PTPRD: variants seen among roughly 807,000 people sequenced by gnomAD.
PTPRD encodes protein tyrosine phosphatase receptor type D, also known as receptor-type tyrosine-protein phosphatase delta.
Under a neutral mutation model 214.5 loss-of-function variants are expected in PTPRD, and 34 were observed. The ratio of observed to expected loss-of-function variants is 0.16; its 90% confidence interval spans 0.12 to 0.21. The LOEUF (loss-of-function observed/expected upper bound fraction) is 0.21, where lower values mean the gene tolerates loss of function less well. Ranked by LOEUF, PTPRD falls within the 10% of genes least tolerant of loss-of-function variation. The pLI is 1.00. For missense variants in PTPRD, 2,545 were observed against 2,398.7 expected (o/e 1.06, Z -1.27); for synonymous variants, 1,128 against 845.7 (o/e 1.33, Z -5.79).
intron 12 of PTPRD, among the ~76,000 whole-genome samples, chr9:8,638,121 T>A (rs1006493880): frequency 1.4e-5 from 2 of 147,740 alleles, no homozygotes; most frequent in Non-Finnish European, 3.0e-5. Context: ...TTTTTTTTTT[T>A]AATTTCTAAT....
At chr9:10,325,692 A>G (rs1260664118) in intron 3 of PTPRD, among the ~76,000 whole-genome samples, 1 of 152,020 alleles carries the variant, frequency 6.6e-6, no homozygotes, top group African/African-American at 2.4e-5. Context: ...TTTCAAAACA[A>G]CCAAACTGCA....
Position 8,317,813 on chromosome 9 carries a change from A to C in PTPRD, c.*61T>G. ...ACTTCTCAAGTGCCCTGTATGGCTC[A>C]GAAGAGACTCCATGGATATTGAAGG... On this transcript the variant is annotated 3_prime_UTR_variant, in exon 46 of 46. Coordinates refer to ENST00000381196, the MANE Select transcript of PTPRD (RefSeq NM_002839.4). The C allele has an allele frequency of 2.0e-6, 3 of 1,506,238 alleles. No homozygotes were observed. The highest frequency in any genetic ancestry group is 2.8e-6 in the Non-Finnish European group (3 of 1,083,158). 93.3% of individuals were successfully genotyped at this position (1,506,238 alleles called of 1,614,324 possible).
intron 8 of PTPRD, among the ~76,000 whole-genome samples, chr9:9,472,217 G>C (rs2094648784): frequency 9.4e-6 from 1 of 106,424 alleles, no homozygotes; most frequent in African/African-American, 3.8e-5. Context: ...CTTTTTTTGA[G>C]ACGGAGTCTT....
intron 27 of PTPRD, among the ~76,000 whole-genome samples, chr9:8,492,566 T>C (rs1312928941): frequency 6.6e-6 from 1 of 151,078 alleles, no homozygotes; most frequent in Non-Finnish European, 1.5e-5. Flanking sequence ...TTTTGTTGAT[T>C]GCTTCATCCC....
At chr9:10,340,834 G>C (rs1443709146) in intron 3 of PTPRD, 129 bp downstream of exon 3, 2 of 151,888 alleles carry the variant, frequency 1.3e-5, no homozygotes, top group African/African-American at 4.8e-5. Flanking sequence ...CTGACCATAT[G>C]TGATTTAAGC....
chr9:10,582,006 T>C (rs1321666115), intron 2 of PTPRD, among the ~76,000 whole-genome samples: 6 of 152,074 alleles, frequency 3.9e-5, no homozygotes, highest in African/African-American at 1.4e-4. Flanking sequence ...AATTCTGAAG[T>C]TGGAAATTTG....
At chr9:9,037,085 C>G (rs895427987) in intron 10 of PTPRD, among the ~76,000 whole-genome samples, 1 of 152,068 alleles carries the variant, frequency 6.6e-6, no homozygotes, top group Non-Finnish European at 1.5e-5. Flanking sequence ...TTAAGAAACC[C>G]GTTAATAACA....
intron 9 of PTPRD, among the ~76,000 whole-genome samples, chr9:9,310,598 T>G (rs1958639235): frequency 6.6e-6 from 1 of 152,136 alleles, no homozygotes; most frequent in South Asian, 2.1e-4. Context: ...GAATGCCTAC[T>G]ATATGTAAAG....
At chr9:10,074,912 TA>T (rs2154183260) in intron 3 of PTPRD, among the ~76,000 whole-genome samples, 1 of 152,324 alleles carries the variant, frequency 6.6e-6, no homozygotes, top group Non-Finnish European at 1.5e-5. Context: ...GAAAGATTTT[TA>T]TTTCTCCAGA....
At chr9:9,060,023 G>C (rs2099704167) in intron 10 of PTPRD, among the ~76,000 whole-genome samples, 1 of 152,078 alleles carries the variant, frequency 6.6e-6, no homozygotes, top group South Asian at 2.1e-4. Context: ...GTAAATTTTT[G>C]TTTGTTTGTA....
At chr9:9,632,707 G>T (rs1310996805) in intron 7 of PTPRD, among the ~76,000 whole-genome samples, 1 of 151,814 alleles carries the variant, frequency 6.6e-6, no homozygotes, top group Non-Finnish European at 1.5e-5. Flanking sequence ...CTGACCTCAA[G>T]AATTTTACCA....
rs79558183 is a variant in PTPRD at position 9,359,551 on chromosome 9, A to T, written c.-203+37898T>A. 6.6e-3 allele frequency among the ~76,000 whole-genome samples: 1,003 copies of T among 151,388 alleles called. 12 individuals carry two copies. Among genetic ancestry groups the T allele is most frequent in the African/African-American group, 0.023 (950 of 41,452 alleles). ...AATTCTGCAGCATGGCTGGGATTCA[A>T]TAATTATTACCCCTCCCAATTAAAC... On this transcript the variant is annotated intron_variant, in intron 9 of 45. Coordinates refer to ENST00000381196, the MANE Select transcript of PTPRD (RefSeq NM_002839.4).
At chr9:8,720,432 G>A (rs572374897) in intron 12 of PTPRD, among the ~76,000 whole-genome samples, 11 of 152,310 alleles carry the variant, frequency 7.2e-5, no homozygotes, top group African/African-American at 2.2e-4. Context: ...CCACATTCAA[G>A]GAGTGGGGAA....
At chr9:8,867,305 G>T (rs550366255) in intron 11 of PTPRD, among the ~76,000 whole-genome samples, 1 of 152,144 alleles carries the variant, frequency 6.6e-6, no homozygotes, top group Non-Finnish European at 1.5e-5. Context: ...CTTTGTCCTG[G>T]AGAAGCACAA....
At position 8,315,063 on chromosome 9, in the gene PTPRD, G is replaced by A. The variant is rs1166937056; in HGVS notation, c.*2811C>T. 1.7e-5 allele frequency: 4 copies of A among 232,376 alleles called. No individual in the cohort carries two copies. Among genetic ancestry groups the A allele is most frequent in the African/African-American group, 4.4e-5 (2 of 45,296 alleles). The allele number at this position is 232,376 out of a possible 1,614,324, so 14.4% of individuals were successfully genotyped here. A position where few individuals can be genotyped will look rare whatever the true frequency, so the allele number is the denominator to read the frequency against. On this transcript the variant is annotated 3_prime_UTR_variant, in exon 46 of 46. Transcript: ENST00000381196. ...ACGTACATAGGTAAATAATAGCACC[G>A]TACTGGTTATGATGATGAAAATAAC... is the stretch of plus-strand genomic sequence containing the variant.
intron 5 of PTPRD, among the ~76,000 whole-genome samples, chr9:9,769,246 T>C (rs1597288764): frequency 6.6e-6 from 1 of 151,726 alleles, no homozygotes; most frequent in Admixed American, 6.6e-5. Flanking sequence ...CAGAAGCCCT[T>C]TTATACACTG....
chr9:8,888,389 A>C (rs370164473), intron 11 of PTPRD, among the ~76,000 whole-genome samples: 1 of 152,202 alleles, frequency 6.6e-6, no homozygotes, highest in African/African-American at 2.4e-5. Context: ...ACCTTCACCC[A>C]ATGGTTTTCT....
intron 3 of PTPRD, among the ~76,000 whole-genome samples, chr9:10,234,795 C>T (rs1278978899): frequency 6.6e-6 from 1 of 151,744 alleles, no homozygotes; most frequent in Non-Finnish European, 1.5e-5. Context: ...TAATAAGAGC[C>T]AAACTGAAAT....
intron 4 of PTPRD, among the ~76,000 whole-genome samples, chr9:10,006,208 T>G (rs937143218): frequency 6.6e-6 from 1 of 152,016 alleles, no homozygotes; most frequent in African/African-American, 2.4e-5. Context: ...TTTAATCATT[T>G]TAATACATTG....
Sources: gnomAD v4.1 joint callset for allele counts (sites outside exome capture counted in the v4.1 genomes callset) on GRCh38, gnomAD v4.1.1 for gene constraint, MANE v1.5 for transcripts, NCBI Gene and HGNC (gene_info 2026-07-23, HGNC 2026-07-21) for gene names.